The following ARMC1 variants were observed in gnomAD, a reference collection of about 807,000 sequenced individuals.
The protein encoded by ARMC1 is armadillo repeat containing 1, also known as armadillo repeat-containing protein 1.
A neutral mutation model predicts 31.4 loss-of-function variants in ARMC1; 16 were observed. The ratio of observed to expected loss-of-function variants is 0.51; its 90% CI spans 0.34 to 0.77. The LOEUF (loss-of-function observed/expected upper bound fraction) is 0.77, where lower values mean the gene tolerates loss of function less well. Ranked by LOEUF, ARMC1 falls within the 30% of genes least tolerant of loss-of-function variation. The pLI is 0.01. For synonymous variants in ARMC1, 114 were observed against 118.9 expected, an observed-to-expected ratio of 0.96 and a Z score of 0.27; for missense variants, 259 against 347.5, an observed-to-expected ratio of 0.75 and a Z score of 2.02.
intron 3 of ARMC1, among the ~76,000 whole-genome samples, chr8:65,620,246 T>C (rs1808363649): frequency 6.6e-6 from 1 of 151,012 alleles, no homozygotes; most frequent in African/African-American, 2.4e-5. Context: ...ATGGCAAATG[T>C]GACTGAGGAG....
chr8:65,626,918 G>C (rs905711919), intron 2 of ARMC1, among the ~76,000 whole-genome samples: 2 of 152,052 alleles, frequency 1.3e-5, no homozygotes, highest in South Asian at 2.1e-4. Context: ...GGGAGGCTGA[G>C]GTCGGGGGGA....
At chr8:65,609,179 G>A (rs1057168647) in intron 4 of ARMC1, among the ~76,000 whole-genome samples, 18 of 147,132 alleles carry the variant, frequency 1.2e-4, no homozygotes, top group African/African-American at 4.5e-4. Context: ...TGTTGACTAG[G>A]CTGGTCTTGA....
chr8:65,622,226 G>A, intron 3 of ARMC1, 37 bp downstream of exon 3: 1 of 1,493,098 alleles, frequency 6.7e-7, no homozygotes, highest in South Asian at 1.1e-5. Flanking sequence ...ATATAAGTAA[G>A]TATATAAATA....
At chr8:65,623,786 CTTTTTT>C (rs201008780) in intron 2 of ARMC1, among the ~76,000 whole-genome samples, 2 of 26,078 alleles carry the variant, frequency 7.7e-5, no homozygotes, top group Admixed American at 1.2e-3. Flanking sequence ...AAAGTAAAAT[CTTTTTT>C]TTTTTTTTTT....
intron 2 of ARMC1, among the ~76,000 whole-genome samples, chr8:65,623,732 T>TTA (rs113394464): frequency 2.0e-5 from 3 of 149,220 alleles, no homozygotes; most frequent in African/African-American, 7.4e-5. Flanking sequence ...GAACAAGAAT[T>TTA]ACGGCAGTTT....
At chr8:65,617,349 C>T (rs1808292981) in intron 3 of ARMC1, among the ~76,000 whole-genome samples, 1 of 152,204 alleles carries the variant, frequency 6.6e-6, no homozygotes, top group Non-Finnish European at 1.5e-5. Context: ...GAAACATGTG[C>T]TGTGTCCACT....
At chr8:65,630,247 C>A (rs1358802695) in intron 1 of ARMC1, among the ~76,000 whole-genome samples, 1 of 152,160 alleles carries the variant, frequency 6.6e-6, no homozygotes, top group African/African-American at 2.4e-5. Context: ...TTTAATTGCT[C>A]CACTTTATAT....
chr8:65,610,516 G>A (rs1029623018), intron 4 of ARMC1, among the ~76,000 whole-genome samples: 2 of 151,804 alleles, frequency 1.3e-5, no homozygotes, highest in East Asian at 2.0e-4. Context: ...CCAACATGGC[G>A]AAACCCCGTC....
chr8:65,606,630 A>T (rs1480768989), intron 4 of ARMC1, among the ~76,000 whole-genome samples: 3 of 152,150 alleles, frequency 2.0e-5, no homozygotes, highest in Non-Finnish European at 4.4e-5. Context: ...TATAACATGT[A>T]CCCTTCAATA....
Position 65,605,266 on chromosome 8 carries a change from T to G in ARMC1, c.654A>C (p.Glu218Asp). 1 of 1,611,940 alleles carries G rather than the reference T, an allele frequency of 6.2e-7. No homozygotes were observed. The highest frequency in any genetic ancestry group is 8.5e-7 in the Non-Finnish European group (1 of 1,179,452). ...AQQVVKSESG[E>D]EMLVPFQDTP... is the part of the protein sequence containing the mutation. Reference sequence around the variant, plus strand: ...GAAAATTAAACACAACTTTTACCTCTTCTCCACTTTCACTTTTCACAACTT... The same window carrying G: ...GAAAATTAAACACAACTTTTACCTCGTCTCCACTTTCACTTTTCACAACTT... Residue 218 changes from glutamate (E) to aspartate (D), a missense_variant, in exon 6 of 7, where the codon GAA (glutamate) becomes GAC (aspartate). By Grantham distance (45) the Glu-to-Asp change is conservative. Around this residue, in one of 3 missense-constraint regions of ARMC1, gnomAD observed 73 missense variants for 100.0 expected, o/e 0.73. Transcript: ENST00000276569.
At chr8:65,633,225 G>A (rs1163430922) in intron 1 of ARMC1, among the ~76,000 whole-genome samples, 1 of 152,222 alleles carries the variant, frequency 6.6e-6, no homozygotes, top group East Asian at 1.9e-4. Context: ...GCCAAGAGAT[G>A]CAGAGGGAAT....
Position 65,604,353 on chromosome 8 carries a change from C to G in ARMC1, c.*41G>C. The stretch of plus-strand genomic sequence containing the variant: ...GTTCACCACAACAATGGAAAACTGG[C>G]CCCTTGTTGGTTCACACAGTCCTTG... On this transcript the variant is annotated 3_prime_UTR_variant, in exon 7 of 7. Coordinates refer to ENST00000276569, the MANE Select transcript of ARMC1 (RefSeq NM_018120.6). 6.4e-7 allele frequency: 1 copy of G among 1,562,214 alleles called. No homozygotes were observed. The highest frequency in any genetic ancestry group is 8.7e-7 in the Non-Finnish European group (1 of 1,147,330).
At chr8:65,626,307 T>TAAAA (rs1808510350) in intron 2 of ARMC1, among the ~76,000 whole-genome samples, 1 of 151,838 alleles carries the variant, frequency 6.6e-6, no homozygotes. Flanking sequence ...AAGCAATAGA[T>TAAAA]AAAAAGTTGT....
intron 3 of ARMC1, among the ~76,000 whole-genome samples, chr8:65,619,287 C>T (rs1808342028): frequency 6.6e-6 from 1 of 152,080 alleles, no homozygotes; most frequent in Non-Finnish European, 1.5e-5. Flanking sequence ...GTAATCCCAG[C>T]ACTTATAGAG....
intron 1 of ARMC1, among the ~76,000 whole-genome samples, chr8:65,630,829 T>A (rs67425176): frequency 4.0e-5 from 6 of 150,746 alleles, no homozygotes; most frequent in Admixed American, 3.3e-4. Flanking sequence ...AAAAAAAAAA[T>A]ACAAACAAAA....
In ARMC1 at chr8:65,602,553, T is replaced by C. The variant is rs541323440; in HGVS notation, c.*1841A>G. The C allele has an allele frequency of 6.6e-6, 1 of 152,342 alleles. No homozygotes were observed. Among genetic ancestry groups the C allele is most frequent in the East Asian group, 1.9e-4 (1 of 5,188 alleles). The allele number at this position is 152,342 out of a possible 1,614,324, so 9.4% of individuals were successfully genotyped here. A position where few individuals can be genotyped will look rare whatever the true frequency, so the allele number is the denominator to read the frequency against. On this transcript the variant is annotated 3_prime_UTR_variant, in exon 7 of 7. Coordinates refer to ENST00000276569, the MANE Select transcript of ARMC1 (RefSeq NM_018120.6). ...GTTGTCTTAACTACTCTATATGATC[T>C]GGAATAAAGAACTCTTAGAATTAGA...
intron 3 of ARMC1, among the ~76,000 whole-genome samples, chr8:65,616,672 A>G (rs1360702851): frequency 8.6e-6 from 1 of 115,738 alleles, no homozygotes; most frequent in Non-Finnish European, 1.7e-5. Context: ...GGCCGCCATC[A>G]CGTCTAGGAA....
At chr8:65,616,851 A>G (rs1346732572) in intron 3 of ARMC1, among the ~76,000 whole-genome samples, 19 of 118,604 alleles carry the variant, frequency 1.6e-4, no homozygotes, top group Admixed American at 3.5e-4. Context: ...GAGCCCCTCC[A>G]CCCGGCAGCC....
intron 2 of ARMC1, among the ~76,000 whole-genome samples, chr8:65,624,498 C>CGAAAAAAAAAAAAAA (rs1554541922): frequency 1.0e-5 from 1 of 95,416 alleles, no homozygotes; most frequent in Non-Finnish European, 2.1e-5. Context: ...GACTCCATCT[C>CGAAAAAAAAAAAAAA]AAAAAAAAAA....
Sources: gnomAD v4.1 joint callset for allele counts (sites outside exome capture counted in the v4.1 genomes callset) on GRCh38, gnomAD v4.1.1 for gene constraint, gnomAD v4.1.1 regional missense constraint, MANE v1.5 for transcripts, NCBI Gene and HGNC (gene_info 2026-07-23, HGNC 2026-07-21) for gene names.